ABCA3: variants seen among roughly 807,000 people sequenced by gnomAD.
The protein encoded by ABCA3 is ATP binding cassette subfamily A member 3, also known as phospholipid-transporting ATPase ABCA3.
Under a neutral mutation model 172.8 loss-of-function variants are expected in ABCA3, and 88 were observed. That is an observed-to-expected ratio of 0.51 (90% CI 0.43 to 0.61). The LOEUF (loss-of-function observed/expected upper bound fraction) is 0.61, where lower values mean the gene tolerates loss of function less well. Among genes scored for constraint, ABCA3 ranks in the 20% least tolerant of loss-of-function variants. The pLI, the probability that ABCA3 is intolerant of heterozygous loss-of-function variation, is 0.00. For missense variants in ABCA3, 2,164 were observed against 2,301.0 expected, an observed-to-expected ratio of 0.94 and a Z score of 1.22; for synonymous variants, 1,066 against 983.8, an observed-to-expected ratio of 1.08 and a Z score of -1.56.
intron 10 of ABCA3, among the ~76,000 whole-genome samples, chr16:2,313,106 C>A (rs2093709161): frequency 6.6e-6 from 1 of 152,012 alleles, no homozygotes; most frequent in South Asian, 2.1e-4. Flanking sequence ...TGTTTGCTTG[C>A]TGTGAGTATG....
Position 2,297,992 on chromosome 16 carries a change from G to T in ABCA3, c.1897-71C>A. On this transcript the variant is annotated intron_variant, in intron 15 of 32. Transcript: ENST00000301732. This position sits in a 1 kb window ranked among gnomAD's most constrained non-coding sequence, Gnocchi z 5.6. ...GGCCGACCCTGGCCAGCGAGGTTCTGGTGAGAGGAACCTCTCCTTGACGTA... is the reference window on the plus strand; with the variant it reads ...GGCCGACCCTGGCCAGCGAGGTTCTTGTGAGAGGAACCTCTCCTTGACGTA... 6.6e-7 allele frequency: 1 copy of T among 1,517,426 alleles called. No individual in the cohort carries two copies. Among genetic ancestry groups the T allele is most frequent in the East Asian group, 2.3e-5 (1 of 43,752 alleles). The allele number at this position is 1,517,426 out of a possible 1,614,324, so 94.0% of individuals were successfully genotyped here.
In ABCA3 at chr16:2,300,045, T is replaced by C; in HGVS notation, c.1571A>G (p.Glu524Gly). Residue 524 changes from glutamate (E) to glycine (G), a missense_variant, in exon 13 of 33, where the codon GAG becomes GGG. Glu to Gly is a moderately conservative substitution (Grantham distance 98). Transcript: ENST00000301732. The stretch of plus-strand genomic sequence containing the variant: ...GATCTTGATCCCCGCCACCAGGTCC[T>C]CTGGCTCGGCTTCAAAGTACTCGTT... ...LRNEYFEAEPEDLVAGIKIKH... is the reference protein window; with the variant it reads ...LRNEYFEAEPGDLVAGIKIKH... The C allele has an allele frequency of 6.2e-7, 1 of 1,613,372 alleles. No individual in the cohort carries two copies.
chr16:2,285,067 G>A lies in ABCA3; in HGVS notation c.3484-69C>T. The A allele has an allele frequency of 2.6e-6, 4 of 1,528,310 alleles. No homozygotes were observed. The highest frequency in any genetic ancestry group is 3.8e-5 in the Admixed American group (2 of 52,828). The allele number at this position is 1,528,310 out of a possible 1,614,324, so 94.7% of individuals were successfully genotyped here. A position where few individuals can be genotyped will look rare whatever the true frequency, so the allele number is the denominator to read the frequency against. Reference sequence around the variant, plus strand: ...AGGAGCTCACGGGTAGGGAAGGGGTGAGAGGAGCATTTGGAGGTCCTCAGA... The same window carrying A: ...AGGAGCTCACGGGTAGGGAAGGGGTAAGAGGAGCATTTGGAGGTCCTCAGA... On this transcript the variant is annotated intron_variant, in intron 23 of 32. Transcript: ENST00000301732. This position sits in a 1 kb window ranked among gnomAD's most constrained non-coding sequence, Gnocchi z 4.7.
intron 28 of ABCA3, 35 bp downstream of exon 28, chr16:2,280,992 T>G (rs747556947): frequency 6.2e-7 from 1 of 1,613,566 alleles, no homozygotes; most frequent in Admixed American, 1.7e-5. Flanking sequence ...GCCATGCCTG[T>G]CTCACCCCTT....
chr16:2,295,750 A>G lies in ABCA3; in HGVS notation c.2264-10T>C. 1 of 1,613,768 alleles carries G rather than the reference A, an allele frequency of 6.2e-7. No homozygotes were observed. The highest frequency in any genetic ancestry group is 8.5e-7 in the Non-Finnish European group (1 of 1,180,036). On this transcript the variant is annotated splice_polypyrimidine_tract_variant and intron_variant, in intron 17 of 32. Coordinates refer to ENST00000301732, the MANE Select transcript of ABCA3 (RefSeq NM_001089.3). ...ATGTGATAGCCGGCACCTGGAATAC[A>G]GGGCCACGTGTGAGATCTTTGGCTG... is the stretch of plus-strand genomic sequence containing the variant.
intron 10 of ABCA3, among the ~76,000 whole-genome samples, chr16:2,314,920 C>A (rs2093712522): frequency 6.9e-6 from 1 of 144,818 alleles, no homozygotes; most frequent in South Asian, 2.2e-4. Context: ...GCTCTGTTGC[C>A]AGGCTGGAGT....
intron 17 of ABCA3, among the ~76,000 whole-genome samples, chr16:2,296,581 T>C (rs777122920): frequency 2.6e-5 from 4 of 152,194 alleles, no homozygotes; most frequent in Admixed American, 6.5e-5. Context: ...GGAAGAACAA[T>C]GGCTCTGCCA....
chr16:2,284,679 T>G lies in ABCA3; in HGVS notation c.3703+100A>C. The G allele has an allele frequency of 7.4e-7, 1 of 1,348,592 alleles. No homozygotes were observed. Among genetic ancestry groups the G allele is most frequent in the Non-Finnish European group, 1.0e-6 (1 of 972,130 alleles). The allele number at this position is 1,348,592 out of a possible 1,614,324, so 83.5% of individuals were successfully genotyped here. ...GGCTGGTGAGCATGAACTGGGCCCA[T>G]TGCCTGAGTCCCGCCTCGGCTGTGG... On this transcript the variant is annotated intron_variant, in intron 24 of 32. Transcript: ENST00000301732. This position sits in a 1 kb window ranked among gnomAD's most constrained non-coding sequence, Gnocchi z 5.9.
chr16:2,312,982 G>A (rs1354314849), intron 10 of ABCA3, among the ~76,000 whole-genome samples: 1 of 152,004 alleles, frequency 6.6e-6, no homozygotes, highest in Non-Finnish European at 1.5e-5. Flanking sequence ...CGAGCCCTGG[G>A]AGACAGAGGT....
At position 2,278,916 on chromosome 16, in the gene ABCA3, G is replaced by A; in HGVS notation, c.4547+27C>T. 2.5e-6 allele frequency: 4 copies of A among 1,613,162 alleles called. No individual in the cohort carries two copies. The highest frequency in any genetic ancestry group is 1.1e-5 in the South Asian group (1 of 91,070). The stretch of plus-strand genomic sequence containing the variant: ...GGACCTTGATTCTGACTCCACTCTG[G>A]GAAGGGCCAGGGCTCGGGAGGTGCA... On this transcript the variant is annotated intron_variant, in intron 29 of 32. Coordinates refer to ENST00000301732, the MANE Select transcript of ABCA3 (RefSeq NM_001089.3). This position sits in a 1 kb window ranked among gnomAD's most constrained non-coding sequence, Gnocchi z 4.4.
intron 7 of ABCA3, among the ~76,000 whole-genome samples, chr16:2,320,062 G>C (rs1216833412): frequency 6.6e-6 from 1 of 151,796 alleles, no homozygotes; most frequent in African/African-American, 2.4e-5. Context: ...CTTCCACTTT[G>C]TAACTAACAC....
Position 2,287,088 on chromosome 16 carries a change from G to A in ABCA3, c.3005-121C>T, listed in dbSNP as rs1030068518. On this transcript the variant is annotated intron_variant, in intron 21 of 32. Coordinates refer to ENST00000301732, the MANE Select transcript of ABCA3 (RefSeq NM_001089.3). The surrounding 1 kb of genome is among the most constrained non-coding windows in gnomAD (Gnocchi z 4.1). ...GGTGCCAGCATCCTCTGAGCTGCCCGCCCCATCACCCTTCTCCTAAGGAGA... is the reference window on the plus strand; with the variant it reads ...GGTGCCAGCATCCTCTGAGCTGCCCACCCCATCACCCTTCTCCTAAGGAGA... 18 of 1,108,054 alleles carry A rather than the reference G, an allele frequency of 1.6e-5. No homozygotes were observed. The highest frequency in any genetic ancestry group is 4.2e-5 in the Admixed American group (2 of 47,192). The allele number at this position is 1,108,054 out of a possible 1,614,324, so 68.6% of individuals were successfully genotyped here. A position where few individuals can be genotyped will look rare whatever the true frequency, so the allele number is the denominator to read the frequency against.
In ABCA3 at chr16:2,278,012, G is replaced by A. The variant is rs1441872762; in HGVS notation, c.4776C>T (p.Phe1592=). 23 of 1,613,220 alleles carry A rather than the reference G, an allele frequency of 1.4e-5. No homozygotes were observed. The Admixed American group carries it at 3.7e-4, about 26-fold the overall frequency. ...TRLAIMVQGQ[F]KCLGSPQHLK... ...GGTGCTGGGGGCTGCCCAGGCACTT[G>A]AACTGCCCCTGCACCATGATGGCCA... Residue 1592 remains phenylalanine (F), a synonymous_variant, in exon 31 of 33, where the codon TTC becomes TTT. Transcript: ENST00000301732. This position sits in a 1 kb window ranked among gnomAD's most constrained non-coding sequence, Gnocchi z 4.4.
intron 7 of ABCA3, 176 bp downstream of exon 7, chr16:2,323,347 C>G: frequency 1.3e-6 from 1 of 778,834 alleles, no homozygotes; most frequent in Non-Finnish European, 2.2e-6. Context: ...TATAAGGACA[C>G]ATGCACACGT....
At chr16:2,305,966 CCT>C (rs1389480563) in intron 11 of ABCA3, among the ~76,000 whole-genome samples, 1 of 152,096 alleles carries the variant, frequency 6.6e-6, no homozygotes, top group Admixed American at 6.5e-5. Flanking sequence ...GTCCAAACAC[CCT>C]CTGTTTGGCC....
intron 11 of ABCA3, among the ~76,000 whole-genome samples, chr16:2,306,692 C>G (rs770274526): frequency 6.6e-6 from 1 of 152,060 alleles, no homozygotes; most frequent in Non-Finnish European, 1.5e-5. Flanking sequence ...CAAAGGCCGA[C>G]CAAGGAAGTG....
Position 2,277,823 on chromosome 16 carries a change from G to T in ABCA3, c.4909+56C>A, listed in dbSNP as rs546641047. 2.6e-4 allele frequency: 419 copies of T among 1,603,174 alleles called. 4 individuals are homozygous for T. The South Asian group carries it at 4.4e-3, about 17-fold the overall frequency. On this transcript the variant is annotated intron_variant, in intron 31 of 32. Coordinates refer to ENST00000301732, the MANE Select transcript of ABCA3 (RefSeq NM_001089.3). The surrounding 1 kb of genome is among the most constrained non-coding windows in gnomAD (Gnocchi z 5.3). ...GACGCTCCGCACAGCAGATGGGAGAGGCCTAGGTAGGGGCCCAGGGCCCAC... is the reference window on the plus strand; with the variant it reads ...GACGCTCCGCACAGCAGATGGGAGATGCCTAGGTAGGGGCCCAGGGCCCAC...
Position 2,284,751 on chromosome 16 carries a change from G to C in ABCA3, c.3703+28C>G. 1 of 1,605,302 alleles carries C rather than the reference G, an allele frequency of 6.2e-7. No homozygotes were observed. The highest frequency in any genetic ancestry group is 2.3e-5 in the East Asian group (1 of 44,248). ...GGAGTGGCTCCGTGGATGGCCATGG[G>C]GGCTGCGGGTGGTCTCCAGGTGCCC... On this transcript the variant is annotated intron_variant, in intron 24 of 32. Transcript: ENST00000301732. This position sits in a 1 kb window ranked among gnomAD's most constrained non-coding sequence, Gnocchi z 5.9.
chr16:2,312,317 C>T (rs2093707823), intron 10 of ABCA3, among the ~76,000 whole-genome samples: 1 of 152,074 alleles, frequency 6.6e-6, no homozygotes, highest in African/African-American at 2.4e-5. Context: ...AAAATGGTGC[C>T]CCATGGAAAA....
Sources: gnomAD v4.1 joint callset for allele counts (sites outside exome capture counted in the v4.1 genomes callset) on GRCh38, gnomAD v4.1.1 for gene constraint, Gnocchi (gnomAD v3.1) non-coding constraint, MANE v1.5 for transcripts, NCBI Gene and HGNC (gene_info 2026-07-23, HGNC 2026-07-21) for gene names.